RNF144A: variants seen among roughly 807,000 people sequenced by gnomAD.
RNF144A encodes the protein ring finger protein 144A.
Under a neutral mutation model 38.7 loss-of-function variants are expected in RNF144A, and 11 were observed. That is an observed-to-expected ratio of 0.28 (90% CI 0.18 to 0.47). The LOEUF is 0.47. RNF144A is among the 20% of genes least tolerant of loss of function. The pLI, the probability that RNF144A is intolerant of heterozygous loss-of-function variation, is 0.99. For synonymous variants in RNF144A, 149 were observed against 143.9 expected (o/e 1.04, Z -0.25); for missense variants, 316 against 377.2 (o/e 0.84, Z 1.34).
chr2:7,027,566 G>C (rs1428471094), intron 7 of RNF144A, among the ~76,000 whole-genome samples: 1 of 152,232 alleles, frequency 6.6e-6, no homozygotes, highest in Non-Finnish European at 1.5e-5. Context: ...AGATCAGGCT[G>C]TGTCAAGGCA....
intron 8 of RNF144A, among the ~76,000 whole-genome samples, chr2:7,035,730 A>G (rs1206855848): frequency 6.6e-6 from 1 of 152,184 alleles, no homozygotes; most frequent in African/African-American, 2.4e-5. Flanking sequence ...CAGTAAGATT[A>G]TTCTAAGAGA....
At chr2:7,000,823 C>T (rs983561652) in intron 3 of RNF144A, among the ~76,000 whole-genome samples, 6 of 150,824 alleles carry the variant, frequency 4.0e-5, no homozygotes. Context: ...CCAAATAAAA[C>T]ATACATATAC....
chr2:6,952,826 A>T (rs1465127317), intron 2 of RNF144A, among the ~76,000 whole-genome samples: 1 of 152,080 alleles, frequency 6.6e-6, no homozygotes, highest in East Asian at 1.9e-4. Context: ...TAATTCGCAT[A>T]AAATTATTCA....
chr2:7,069,943 G>C (rs1327758105), downstream of RNF144A, among the ~76,000 whole-genome samples: 1 of 152,174 alleles, frequency 6.6e-6, no homozygotes, highest in East Asian at 1.9e-4. Context: ...TCAAGGTTTT[G>C]AGCTGTCTTT....
At chr2:6,947,037 T>C (rs1666382417) in intron 2 of RNF144A, among the ~76,000 whole-genome samples, 1 of 152,174 alleles carries the variant, frequency 6.6e-6, no homozygotes, top group Admixed American at 6.5e-5. Context: ...GTTTCATTTT[T>C]ACAATGTATC....
At chr2:6,919,242 G>A (rs16855) in intron 1 of RNF144A, among the ~76,000 whole-genome samples, 79,223 of 151,904 alleles carry the variant, frequency 0.52, 21,409 homozygotes, top group Middle Eastern at 0.59. Flanking sequence ...CTGCTCCAGC[G>A]CAGGAAGGGG....
intron 6 of RNF144A, among the ~76,000 whole-genome samples, chr2:7,054,704 A>G (rs950655189): frequency 6.6e-6 from 1 of 152,180 alleles, no homozygotes; most frequent in African/African-American, 2.4e-5. Flanking sequence ...GACCACAGCA[A>G]GGGGCACCAT....
intron 1 of RNF144A, among the ~76,000 whole-genome samples, chr2:6,931,234 G>A (rs1665193945): frequency 6.6e-6 from 1 of 152,194 alleles, no homozygotes; most frequent in African/African-American, 2.4e-5. Context: ...AGGCCCCACT[G>A]GATTTGTGAA....
chr2:7,054,648 G>A (rs1196460268), intron 6 of RNF144A, among the ~76,000 whole-genome samples: 1 of 152,140 alleles, frequency 6.6e-6, no homozygotes, highest in Non-Finnish European at 1.5e-5. Flanking sequence ...AGGGCTCAAG[G>A]GAAGTAGCTA....
intron 3 of RNF144A, among the ~76,000 whole-genome samples, chr2:7,013,657 T>A (rs1670956669): frequency 6.6e-6 from 1 of 152,236 alleles, no homozygotes; most frequent in African/African-American, 2.4e-5. Flanking sequence ...GTATTGTTTC[T>A]TCTCATTGCT....
chr2:6,996,087 T>C (rs965417262), intron 2 of RNF144A, among the ~76,000 whole-genome samples: 1 of 152,200 alleles, frequency 6.6e-6, no homozygotes, highest in Admixed American at 6.5e-5. Context: ...ATGTGGTCCT[T>C]GTGCCTTGTC....
At chr2:7,060,893 A>G (rs1385896484) in intron 6 of RNF144A, among the ~76,000 whole-genome samples, 1 of 152,162 alleles carries the variant, frequency 6.6e-6, no homozygotes, top group East Asian at 1.9e-4. Flanking sequence ...TTGAATTGCA[A>G]ATACCTATGT....
chr2:6,968,621 A>G (rs1328474686), intron 2 of RNF144A, among the ~76,000 whole-genome samples: 1 of 152,216 alleles, frequency 6.6e-6, no homozygotes, highest in East Asian at 1.9e-4. Context: ...ATCACAAGAA[A>G]CAAACACATT....
chr2:7,006,275 T>G (rs758102622), intron 3 of RNF144A, among the ~76,000 whole-genome samples: 3 of 152,194 alleles, frequency 2.0e-5, no homozygotes, highest in Non-Finnish European at 4.4e-5. Context: ...ATGTGTATTT[T>G]TCCTAATCAA....
chr2:7,044,459 G>T (rs56329647), downstream of RNF144A, among the ~76,000 whole-genome samples: 9 of 152,106 alleles, frequency 5.9e-5, no homozygotes, highest in Non-Finnish European at 1.3e-4. Context: ...AGCCATTCCT[G>T]GCTCCCTCTT....
At chr2:7,019,407 A>C (rs913692766) in intron 5 of RNF144A, among the ~76,000 whole-genome samples, 3 of 152,268 alleles carry the variant, frequency 2.0e-5, no homozygotes, top group Non-Finnish European at 4.4e-5. Context: ...TGTGTGACAC[A>C]GGCGAGCGGG....
At chr2:6,957,249 G>A (rs990558341) in intron 2 of RNF144A, among the ~76,000 whole-genome samples, 3 of 152,164 alleles carry the variant, frequency 2.0e-5, no homozygotes, top group Non-Finnish European at 1.5e-5. Flanking sequence ...CTGCATGTAG[G>A]GCTTTACCCG....
rs1435838238 is a variant in RNF144A, at chr2:7,054,146, G to A, written c.735-14070G>A. Among the ~76,000 whole-genome samples, 4 of 150,280 alleles carry A rather than the reference G, an allele frequency of 2.7e-5. No individual in the cohort carries two copies. The East Asian group carries it at 5.9e-4, about 22-fold the overall frequency. On this transcript the variant is annotated intron_variant, in intron 6 of 6. Coordinates refer to the RNF144A transcript ENST00000432850. Reference sequence around the variant, plus strand: ...GCGCAGTTGCTTGTGGGAGTGGCCAGCTCAAGCAGCTGAGACAAGGCAGAC... The same window carrying A: ...GCGCAGTTGCTTGTGGGAGTGGCCAACTCAAGCAGCTGAGACAAGGCAGAC...
At chr2:6,971,567 GTCT>G (rs2103347458) in intron 2 of RNF144A, among the ~76,000 whole-genome samples, 1 of 152,312 alleles carries the variant, frequency 6.6e-6, no homozygotes, top group South Asian at 2.1e-4. Context: ...CACTTTTGCA[GTCT>G]TCAGCTGTGT....
Sources: gnomAD v4.1 joint callset for allele counts (sites outside exome capture counted in the v4.1 genomes callset) on GRCh38, gnomAD v4.1.1 for gene constraint, MANE v1.5 for transcripts, NCBI Gene and HGNC (gene_info 2026-07-23, HGNC 2026-07-21) for gene names.